Variants in MYMX observed in about 807,000 individuals in gnomAD.
The protein encoded by MYMX is myomixer, myoblast fusion factor.
upstream of MYMX, among the ~76,000 whole-genome samples, chr6:44,215,703 T>C (rs188986115): frequency 6.2e-3 from 937 of 152,298 alleles, 6 homozygotes; most frequent in African/African-American, 0.022. Context: ...GAGACCAGCC[T>C]GGCCAACATG....
rs1196220586 is a variant in MYMX, at chr6:44,218,006, G to A, written c.*280G>A. The A allele has an allele frequency of 3.2e-6, 1 of 309,168 alleles. No homozygotes were observed. The highest frequency in any genetic ancestry group is 5.0e-5 in the Admixed American group (1 of 19,808). 19.2% of individuals were successfully genotyped at this position (309,168 alleles called of 1,614,324 possible). A position where few individuals can be genotyped will look rare whatever the true frequency, so the allele number is the denominator to read the frequency against. On this transcript the variant is annotated 3_prime_UTR_variant, in exon 2 of 2. Coordinates refer to ENST00000573382, the MANE Select transcript of MYMX (RefSeq NM_001315494.2). ...TCACCTCTGGCCTCAGGCGGGAGGG[G>A]AACTAACACCCACCCACCCCTGCCC...
At chr6:44,196,455 G>A in the MYMX span, among the ~76,000 whole-genome samples, 1 of 151,986 alleles carries the variant, frequency 6.6e-6, no homozygotes, top group Non-Finnish European at 1.5e-5. Flanking sequence ...GAGGCTGGCG[G>A]ATCACCTGAG....
Position 44,217,779 on chromosome 6 carries a change from G to A in MYMX, c.*53G>A. On this transcript the variant is annotated 3_prime_UTR_variant, in exon 2 of 2. Coordinates refer to ENST00000573382, the MANE Select transcript of MYMX (RefSeq NM_001315494.2). The stretch of plus-strand genomic sequence containing the variant: ...CCACAAAATGCTTTCTTTTGGAGTA[G>A]GATAATCCTGGCACCAGCACTGACC... 2.5e-6 allele frequency: 1 copy of A among 400,882 alleles called. No homozygotes were observed. The highest frequency in any genetic ancestry group is 4.4e-6 in the Non-Finnish European group (1 of 226,374). 24.8% of individuals were successfully genotyped at this position (400,882 alleles called of 1,614,324 possible).
At chr6:44,205,000 A>G in the MYMX span, among the ~76,000 whole-genome samples, 1 of 152,220 alleles carries the variant, frequency 6.6e-6, no homozygotes, top group Non-Finnish European at 1.5e-5. Flanking sequence ...CCAAACAGTG[A>G]CACATCAGTG....
chr6:44,210,910 C>T, the MYMX span, among the ~76,000 whole-genome samples: 1 of 152,138 alleles, frequency 6.6e-6, no homozygotes, highest in South Asian at 2.1e-4. Context: ...AGGAAGATCA[C>T]GTGAGGCCAG....
upstream of MYMX, among the ~76,000 whole-genome samples, chr6:44,214,198 G>A (rs981564481): frequency 6.6e-6 from 1 of 152,146 alleles, no homozygotes; most frequent in Non-Finnish European, 1.5e-5. Flanking sequence ...TCAGTTAGGT[G>A]GATACTTCAA....
the MYMX span, among the ~76,000 whole-genome samples, chr6:44,200,257 T>C: frequency 6.6e-6 from 1 of 152,190 alleles, no homozygotes; most frequent in East Asian, 1.9e-4. Context: ...TCTTCTTTTT[T>C]GGTTTCTCCA....
At chr6:44,212,597 A>C (rs1270005153), upstream of MYMX, among the ~76,000 whole-genome samples, 1 of 151,916 alleles carries the variant, frequency 6.6e-6, no homozygotes, top group Non-Finnish European at 1.5e-5. Flanking sequence ...CAATTAAAAT[A>C]AAATGAAACA....
chr6:44,193,667 T>C, the MYMX span, among the ~76,000 whole-genome samples: 1 of 152,184 alleles, frequency 6.6e-6, no homozygotes, highest in Non-Finnish European at 1.5e-5. Context: ...AGCCGCTCTC[T>C]TCTAGCATGA....
the MYMX span, among the ~76,000 whole-genome samples, chr6:44,207,999 A>C: frequency 6.6e-6 from 1 of 152,152 alleles, no homozygotes; most frequent in East Asian, 1.9e-4. Context: ...AGGGCGAGAC[A>C]GGTGGATTGC....
At chr6:44,213,002 A>C (rs542920041), upstream of MYMX, among the ~76,000 whole-genome samples, 1 of 152,266 alleles carries the variant, frequency 6.6e-6, no homozygotes, top group African/African-American at 2.4e-5. Context: ...CCTAGGAAAC[A>C]GGGTAAGACC....
At chr6:44,198,367 G>A in the MYMX span, among the ~76,000 whole-genome samples, 20 of 151,482 alleles carry the variant, frequency 1.3e-4, no homozygotes, top group South Asian at 4.2e-4. Context: ...GGGTTTCACC[G>A]TGTTAGCCAG....
chr6:44,198,022 C>T, the MYMX span, among the ~76,000 whole-genome samples: 2 of 152,106 alleles, frequency 1.3e-5, no homozygotes, highest in African/African-American at 2.4e-5. Context: ...CAAAAGATCT[C>T]AACTTACTAT....
the MYMX span, among the ~76,000 whole-genome samples, chr6:44,199,489 C>T: frequency 1.3e-5 from 2 of 152,120 alleles, no homozygotes; most frequent in South Asian, 2.1e-4. Context: ...TGAGCCCCCA[C>T]GCCTGGCCCC....
At chr6:44,198,154 CTTTTTTT>C in the MYMX span, among the ~76,000 whole-genome samples, 14 of 79,782 alleles carry the variant, frequency 1.8e-4, no homozygotes, top group Admixed American at 8.1e-4. Flanking sequence ...CCAAATTCCT[CTTTTTTT>C]TTTTTTTTTT....
At chr6:44,216,173 G>A (rs1341139777), upstream of MYMX, among the ~76,000 whole-genome samples, 1 of 152,230 alleles carries the variant, frequency 6.6e-6, no homozygotes, top group Non-Finnish European at 1.5e-5. Flanking sequence ...CCCAGCCACT[G>A]AGCATGCCTG....
In MYMX at chr6:44,217,977, C is replaced by T. The variant is rs942304767; in HGVS notation, c.*251C>T. ...CAGCAGTTCCTCCCAAAGACCACTCCTAATCACCTCTGGCCTCAGGCGGGA... is the reference window on the plus strand; with the variant it reads ...CAGCAGTTCCTCCCAAAGACCACTCTTAATCACCTCTGGCCTCAGGCGGGA... On this transcript the variant is annotated 3_prime_UTR_variant, in exon 2 of 2. Coordinates refer to ENST00000573382, the MANE Select transcript of MYMX (RefSeq NM_001315494.2). 7.1e-5 allele frequency: 25 copies of T among 349,714 alleles called. 4 individuals carry two copies. Among genetic ancestry groups the T allele is most frequent in the Admixed American group, 6.6e-4 (14 of 21,072 alleles). 21.7% of individuals were successfully genotyped at this position (349,714 alleles called of 1,614,324 possible).
the MYMX span, among the ~76,000 whole-genome samples, chr6:44,201,248 G>A: frequency 6.6e-6 from 1 of 152,174 alleles, no homozygotes. Flanking sequence ...GTCCCAGGCA[G>A]AAAGGCACTG....
chr6:44,211,788 T>TTTTTTGTGTGTGTGTGTGTGTGTG, the MYMX span, among the ~76,000 whole-genome samples: 52 of 126,430 alleles, frequency 4.1e-4, no homozygotes, highest in African/African-American at 1.6e-3. Context: ...CAGCTAGGTT[T>TTTTTTGTGTGTGTGTGTGTGTGTG]TGTGTGTGTG....
Sources: gnomAD v4.1 joint callset for allele counts (sites outside exome capture counted in the v4.1 genomes callset) on GRCh38, gnomAD v4.1.1 for gene constraint, MANE v1.5 for transcripts, NCBI Gene and HGNC (gene_info 2026-07-23, HGNC 2026-07-21) for gene names.